ATXN1: variants seen among roughly 807,000 people sequenced by gnomAD.
ATXN1 encodes the protein ataxin-1.
Under a neutral mutation model 56.4 loss-of-function variants are expected in ATXN1, and 8 were observed. The ratio of observed to expected loss-of-function variants is 0.14; its 90% CI spans 0.08 to 0.26. The LOEUF (loss-of-function observed/expected upper bound fraction) is 0.26, where lower values mean the gene tolerates loss of function less well. Among genes scored for constraint, ATXN1 ranks in the 10% least tolerant of loss-of-function variants. The pLI, the probability that ATXN1 is intolerant of heterozygous loss-of-function variation, is 1.00. For missense variants in ATXN1, 987 were observed against 1,106.5 expected, an observed-to-expected ratio of 0.89 and a Z score of 1.53; for synonymous variants, 514 against 494.6, an observed-to-expected ratio of 1.04 and a Z score of -0.52.
intron 2 of ATXN1, among the ~76,000 whole-genome samples, chr6:16,717,403 T>C (rs1046272334): frequency 2.6e-5 from 4 of 152,192 alleles, no homozygotes; most frequent in African/African-American, 9.7e-5. Context: ...CACTTAACAG[T>C]CAACTCATCC....
At chr6:16,347,405 C>A (rs1400868845) in intron 6 of ATXN1, among the ~76,000 whole-genome samples, 4 of 152,226 alleles carry the variant, frequency 2.6e-5, no homozygotes, top group Non-Finnish European at 5.9e-5. Context: ...CCAATCAGCA[C>A]CCTGTGTCTA....
chr6:16,488,934 T>C (rs1264171464), intron 5 of ATXN1, among the ~76,000 whole-genome samples: 1 of 152,072 alleles, frequency 6.6e-6, no homozygotes, highest in Non-Finnish European at 1.5e-5. Flanking sequence ...AGGTGTCCAA[T>C]ATCTTGCCAT....
At chr6:16,425,784 C>T (rs984973544) in intron 6 of ATXN1, among the ~76,000 whole-genome samples, 6 of 152,086 alleles carry the variant, frequency 3.9e-5, no homozygotes, top group African/African-American at 1.2e-4. Flanking sequence ...TTGGTTCCCT[C>T]CTATGCCCAT....
intron 2 of ATXN1, among the ~76,000 whole-genome samples, chr6:16,706,263 T>C (rs1248153609): frequency 6.6e-6 from 1 of 152,108 alleles, no homozygotes; most frequent in Non-Finnish European, 1.5e-5. Context: ...CAATGATTAA[T>C]CTGTTGCCTG....
intron 2 of ATXN1, chr6:16,667,477 C>A (rs569353425): frequency 3.3e-5 from 5 of 152,218 alleles, no homozygotes; most frequent in Admixed American, 6.5e-5. Flanking sequence ...GAGTCTCACT[C>A]ACAAGCCACA....
In ATXN1 at chr6:16,701,897, T is replaced by C. The variant is rs181504807; in HGVS notation, c.-614-43996A>G. Among the ~76,000 whole-genome samples the C allele has an allele frequency of 3.0e-3, 450 of 152,288 alleles. 5 individuals are homozygous for C. The highest frequency in any genetic ancestry group is 0.014 in the Middle Eastern group (4 of 294). On this transcript the variant is annotated intron_variant, in intron 2 of 7. Coordinates refer to ENST00000436367, the MANE Select transcript of ATXN1 (RefSeq NM_001128164.2). ...AAAGGAAGAAGCAATATCGTCAAAA[T>C]GGCCATACTGCCCAAGGTAATTTAT...
chr6:16,644,072 T>C (rs75263959), intron 3 of ATXN1, among the ~76,000 whole-genome samples: 56 of 152,226 alleles, frequency 3.7e-4, no homozygotes, highest in African/African-American at 1.1e-3. Context: ...CAGTGTACAA[T>C]AGAGGTTACC....
intron 5 of ATXN1, among the ~76,000 whole-genome samples, chr6:16,492,102 A>G (rs73724881): frequency 0.049 from 7,520 of 152,300 alleles, 447 homozygotes; most frequent in East Asian, 0.23. Context: ...CAGATAATTC[A>G]GCTAAGCCAT....
intron 2 of ATXN1, among the ~76,000 whole-genome samples, chr6:16,730,506 T>TATATATATATATATATATAA (rs1367623215): frequency 4.1e-5 from 6 of 147,126 alleles, no homozygotes; most frequent in African/African-American, 9.9e-5. Context: ...TATATATATA[T>TATATATATATATATATATAA]AAATGTATTT....
intron 5 of ATXN1, among the ~76,000 whole-genome samples, chr6:16,488,452 TTCTC>T (rs1760594686): frequency 6.6e-6 from 1 of 152,238 alleles, no homozygotes; most frequent in Non-Finnish European, 1.5e-5. Context: ...TCCGTCAACC[TTCTC>T]TCTTGGTTCT....
At chr6:16,425,399 C>T (rs1471535815) in intron 6 of ATXN1, among the ~76,000 whole-genome samples, 1 of 152,136 alleles carries the variant, frequency 6.6e-6, no homozygotes, top group Non-Finnish European at 1.5e-5. Context: ...GGGAATGCTC[C>T]CAACATAATA....
intron 6 of ATXN1, among the ~76,000 whole-genome samples, chr6:16,368,041 G>A (rs758478982): frequency 1.3e-5 from 2 of 151,884 alleles, no homozygotes; most frequent in African/African-American, 2.4e-5. Flanking sequence ...ATGTTGGTGC[G>A]CACCTGTAGT....
chr6:16,724,088 GT>G (rs1759799091), intron 2 of ATXN1, among the ~76,000 whole-genome samples: 3 of 152,278 alleles, frequency 2.0e-5, no homozygotes, highest in African/African-American at 7.2e-5. Flanking sequence ...CAGACTGGAA[GT>G]TCAGCCCAAT....
rs1019438419 is a variant in ATXN1 at position 16,542,046 on chromosome 6, G to A, written c.-360-19358C>T. ...TAAAACCATCTCTTAAGGCCTTCTGGGGGAAAACGCCACCACCAAGAATTA... is the reference window on the plus strand; with the variant it reads ...TAAAACCATCTCTTAAGGCCTTCTGAGGGAAAACGCCACCACCAAGAATTA... On this transcript the variant is annotated intron_variant, in intron 4 of 7. Transcript: ENST00000436367. Among the ~76,000 whole-genome samples the A allele has an allele frequency of 2.0e-5, 3 of 151,976 alleles. 1 individual carries two copies. In the East Asian group the frequency reaches 5.8e-4, roughly 29 times the overall value.
chr6:16,415,656 G>A (rs906665821), intron 6 of ATXN1, among the ~76,000 whole-genome samples: 2 of 152,210 alleles, frequency 1.3e-5, no homozygotes, highest in Non-Finnish European at 1.5e-5. Context: ...CCTGGTTCTC[G>A]GCTCACACTA....
chr6:16,521,846 A>T (rs1175267311), intron 5 of ATXN1, among the ~76,000 whole-genome samples: 1 of 152,212 alleles, frequency 6.6e-6, no homozygotes, highest in Non-Finnish European at 1.5e-5. Flanking sequence ...CTCAGATGAC[A>T]TCCATAACAG....
At chr6:16,591,548 GA>G (rs991570999) in intron 3 of ATXN1, among the ~76,000 whole-genome samples, 6 of 152,138 alleles carry the variant, frequency 3.9e-5, no homozygotes, top group Non-Finnish European at 8.8e-5. Flanking sequence ...TTCAATCAGG[GA>G]TGTCCTCATT....
Position 16,385,869 on chromosome 6 carries a change from A to G in ATXN1, c.-160-57399T>C, listed in dbSNP as rs1207727167. 2.0e-5 allele frequency among the ~76,000 whole-genome samples: 3 copies of G among 152,268 alleles called. No homozygotes were observed. The East Asian group carries it at 5.8e-4, about 29-fold the overall frequency. On this transcript the variant is annotated intron_variant, in intron 6 of 7. Transcript: ENST00000436367. ...AGATAAGTGCAAACATTTTTCTGAT[A>G]ACGTGCTAATCTCAAACACATTTTC... is the stretch of plus-strand genomic sequence containing the variant.
At chr6:16,728,208 A>C (rs773473741) in intron 2 of ATXN1, among the ~76,000 whole-genome samples, 3 of 152,238 alleles carry the variant, frequency 2.0e-5, no homozygotes, top group Non-Finnish European at 4.4e-5. Flanking sequence ...TCTGACTGGG[A>C]CGCAAGACAT....
Sources: allele counts gnomAD v4.1 joint callset (sites outside exome capture counted in the v4.1 genomes callset), GRCh38; gene constraint gnomAD v4.1.1; transcripts MANE v1.5; gene names NCBI Gene and HGNC (gene_info 2026-07-23, HGNC 2026-07-21).